KCNN2: variants seen among roughly 807,000 people sequenced by gnomAD.
KCNN2 encodes small conductance calcium-activated potassium channel protein 2.
Under a neutral mutation model 55.5 loss-of-function variants are expected in KCNN2, and 24 were observed. The observed-to-expected ratio is 0.43, with a 90% CI of 0.31 to 0.61. The LOEUF is 0.61. KCNN2 is among the 20% of genes least tolerant of loss of function. The probability of loss-of-function intolerance (pLI) is 0.08; values close to 1 mark genes in which losing one functional copy is unlikely to be tolerated. For missense variants in KCNN2, 754 were observed against 853.6 expected (o/e 0.88, Z 1.45); for synonymous variants, 431 against 336.1 (o/e 1.28, Z -3.09).
chr5:114,456,679 C>T (rs534608089), intron 3 of KCNN2, among the ~76,000 whole-genome samples: 50 of 152,258 alleles, frequency 3.3e-4, no homozygotes, highest in South Asian at 8.3e-4. Context: ...ATCTGTGATT[C>T]AGGGAAGGAG....
At chr5:114,341,185 A>G (rs981381028) in intron 2 of KCNN2, among the ~76,000 whole-genome samples, 8 of 152,208 alleles carry the variant, frequency 5.3e-5, no homozygotes, top group African/African-American at 1.4e-4. Context: ...CTGACTCTAT[A>G]TGTTAGTTTA....
In KCNN2 at chr5:114,069,415, G is replaced by A. The variant is rs189703410; in HGVS notation, c.-271+12915G>A. Among the ~76,000 whole-genome samples, 801 of 152,270 alleles carry A rather than the reference G, an allele frequency of 5.3e-3. 9 individuals are homozygous for A. The highest frequency in any genetic ancestry group is 5.0e-3 in the Non-Finnish European group (341 of 68,016). On this transcript the variant is annotated intron_variant, in intron 1 of 10. Transcript: ENST00000512097. Reference sequence around the variant, plus strand: ...TTCCCTCTTAAAGGCACTTGTGCCAGCAACATCTCCAGTTTTTTTAGTAAA... The same window carrying A: ...TTCCCTCTTAAAGGCACTTGTGCCAACAACATCTCCAGTTTTTTTAGTAAA...
chr5:114,148,949 C>T (rs567274856), intron 1 of KCNN2, among the ~76,000 whole-genome samples: 2 of 152,010 alleles, frequency 1.3e-5, no homozygotes, highest in African/African-American at 2.4e-5. Context: ...TGAATAAGAG[C>T]CCAGTCAGCC....
intron 5 of KCNN2, among the ~76,000 whole-genome samples, chr5:114,480,106 A>AATAG (rs753637360): frequency 2.0e-5 from 3 of 152,116 alleles, no homozygotes; most frequent in Non-Finnish European, 2.9e-5. Context: ...AATTAAAATA[A>AATAG]ATAGATAGAC....
At position 114,404,316 on chromosome 5, in the gene KCNN2, G is replaced by A. The variant is rs1758872089; in HGVS notation, c.1219-122G>A. 4 of 723,256 alleles carry A rather than the reference G, an allele frequency of 5.5e-6. No homozygotes were observed. The Admixed American group carries it at 1.0e-4, about 19-fold the overall frequency. The allele number at this position is 723,256 out of a possible 1,614,324, so 44.8% of individuals were successfully genotyped here. A position where few individuals can be genotyped will look rare whatever the true frequency, so the allele number is the denominator to read the frequency against. Reference sequence around the variant, plus strand: ...TAGTATACCTGGCTAGCATTTAAAAGTTATAACCTTTAGCTTGCCATGATT... The same window carrying A: ...TAGTATACCTGGCTAGCATTTAAAAATTATAACCTTTAGCTTGCCATGATT... On this transcript the variant is annotated intron_variant, in intron 2 of 7. Coordinates refer to ENST00000673685, the MANE Select transcript of KCNN2 (RefSeq NM_021614.4).
At chr5:114,221,525 A>T (rs958947413) in exon 2 of KCNN2, among the ~76,000 whole-genome samples, 4 of 152,202 alleles carry the variant, frequency 2.6e-5, no homozygotes, top group African/African-American at 9.6e-5. Context: ...AGCAAGAGGA[A>T]AAATGAATCT....
chr5:114,294,081 C>A (rs571461644), intron 2 of KCNN2, among the ~76,000 whole-genome samples: 1 of 152,208 alleles, frequency 6.6e-6, no homozygotes, highest in Non-Finnish European at 1.5e-5. Flanking sequence ...ATTCTTCTCT[C>A]TTTTTTTCTT....
intron 2 of KCNN2, among the ~76,000 whole-genome samples, chr5:114,272,357 CCATAT>C (rs1755362228): frequency 1.4e-4 from 4 of 29,402 alleles, no homozygotes; most frequent in Non-Finnish European, 2.5e-4. Flanking sequence ...TATGTACATA[CCATAT>C]ACACACACAT....
chr5:114,364,114 A>G, intron 2 of KCNN2, 113 bp downstream of exon 2: 1 of 753,192 alleles, frequency 1.3e-6, no homozygotes. Context: ...GAGGTTACAG[A>G]AGACACATGC....
chr5:114,368,034 G>T (rs958743154), intron 2 of KCNN2, among the ~76,000 whole-genome samples: 13 of 152,140 alleles, frequency 8.5e-5, no homozygotes, highest in Non-Finnish European at 1.8e-4. Context: ...GAACTGTGTG[G>T]ATCCACTTAT....
intron 3 of KCNN2, among the ~76,000 whole-genome samples, chr5:114,438,965 G>A (rs1254957853): frequency 6.6e-6 from 1 of 152,188 alleles, no homozygotes; most frequent in South Asian, 2.1e-4. Flanking sequence ...TTAATAGAGT[G>A]TAATTACAAC....
chr5:114,189,946 C>T (rs568489936), intron 1 of KCNN2, among the ~76,000 whole-genome samples: 2 of 151,566 alleles, frequency 1.3e-5, no homozygotes, highest in African/African-American at 2.4e-5. Flanking sequence ...TTAAAGATCT[C>T]AAAGTGAAAA....
intron 1 of KCNN2, among the ~76,000 whole-genome samples, chr5:114,109,251 C>A (rs6893099): frequency 0.17 from 25,440 of 152,060 alleles, 2,215 homozygotes; most frequent in Middle Eastern, 0.22. Flanking sequence ...TGCCATGTAG[C>A]TTTCTCTATA....
chr5:114,471,115 AC>A (rs1761714190), intron 4 of KCNN2, among the ~76,000 whole-genome samples: 1 of 152,208 alleles, frequency 6.6e-6, no homozygotes, highest in East Asian at 1.9e-4. Flanking sequence ...GCTTTGAAAT[AC>A]AGTGCTTCAT....
intron 1 of KCNN2, among the ~76,000 whole-genome samples, chr5:114,157,181 G>A (rs1752654403): frequency 7.6e-6 from 1 of 131,212 alleles, no homozygotes; most frequent in Non-Finnish European, 1.5e-5. Context: ...GCAGTCCCTG[G>A]TGTGTGATGT....
At chr5:114,414,151 C>T (rs1439819856) in intron 3 of KCNN2, among the ~76,000 whole-genome samples, 1 of 151,540 alleles carries the variant, frequency 6.6e-6, no homozygotes. Context: ...AAAATGTTTC[C>T]TTAATGTAAG....
At chr5:114,351,721 T>C (rs770297439) in intron 2 of KCNN2, among the ~76,000 whole-genome samples, 5 of 151,728 alleles carry the variant, frequency 3.3e-5, no homozygotes, top group Non-Finnish European at 4.4e-5. Context: ...GATGATTATA[T>C]GGTTATTTTG....
At chr5:114,129,459 G>T (rs1561487450) in intron 1 of KCNN2, among the ~76,000 whole-genome samples, 1 of 152,174 alleles carries the variant, frequency 6.6e-6, no homozygotes, top group African/African-American at 2.4e-5. Context: ...GAAGAAAAAG[G>T]GAAAGAGAGT....
chr5:114,168,754 A>T (rs757404429), intron 1 of KCNN2, among the ~76,000 whole-genome samples: 14 of 152,212 alleles, frequency 9.2e-5, no homozygotes, highest in Non-Finnish European at 1.3e-4. Flanking sequence ...CAAATATTTT[A>T]TCTTAATTAT....
Sources: gnomAD v4.1 joint callset for allele counts (sites outside exome capture counted in the v4.1 genomes callset) on GRCh38, gnomAD v4.1.1 for gene constraint, MANE v1.5 for transcripts, NCBI Gene and HGNC (gene_info 2026-07-23, HGNC 2026-07-21) for gene names.